The following BAZ2B variants were observed in gnomAD, a reference collection of about 807,000 sequenced individuals.
The protein encoded by BAZ2B is bromodomain adjacent to zinc finger domain 2B, also known as bromodomain adjacent to zinc finger domain protein 2B.
A neutral mutation model predicts 246.0 loss-of-function variants in BAZ2B; 91 were observed. That is an observed-to-expected ratio of 0.37 (90% CI 0.31 to 0.44). The LOEUF is 0.44. Ranked by LOEUF, BAZ2B falls within the 20% of genes least tolerant of loss-of-function variation. The probability of loss-of-function intolerance (pLI) is 1.00; values close to 1 mark genes in which losing one functional copy is unlikely to be tolerated. For missense variants in BAZ2B, 2,332 were observed against 2,533.7 expected, an observed-to-expected ratio of 0.92 and a Z score of 1.71; for synonymous variants, 855 against 860.0, an observed-to-expected ratio of 0.99 and a Z score of 0.10.
At chr2:159,348,133 A>G (rs1204278245) in intron 30 of BAZ2B, among the ~76,000 whole-genome samples, 1 of 151,854 alleles carries the variant, frequency 6.6e-6, no homozygotes, top group Non-Finnish European at 1.5e-5. Context: ...AGCCTGGGCA[A>G]CATAGTGAGG....
intron 2 of BAZ2B, among the ~76,000 whole-genome samples, chr2:159,542,193 A>C (rs6753208): frequency 0.83 from 126,671 of 152,022 alleles, 53,178 homozygotes; most frequent in Admixed American, 0.88. Context: ...CTGTAAGACA[A>C]CATTAAGTGG....
At chr2:159,329,155 A>C (rs1412154142) in intron 34 of BAZ2B, among the ~76,000 whole-genome samples, 1 of 150,864 alleles carries the variant, frequency 6.6e-6, no homozygotes, top group African/African-American at 2.4e-5. Context: ...AAAAAAAAAG[A>C]AAATATAAAG....
chr2:159,660,307 A>C, the BAZ2B span, among the ~76,000 whole-genome samples: 13 of 152,194 alleles, frequency 8.5e-5, no homozygotes, highest in Non-Finnish European at 1.9e-4. Flanking sequence ...ATTCCTTCTT[A>C]CAGATAAATA....
intron 2 of BAZ2B, among the ~76,000 whole-genome samples, chr2:159,491,745 A>AAAAAAAAAAAAAAAAAC (rs2080524159): frequency 7.0e-6 from 1 of 143,614 alleles, no homozygotes. Flanking sequence ...AAAAAAAAAA[A>AAAAAAAAAAAAAAAAAC]AGTCTTCTGT....
chr2:159,579,105 A>T (rs921866379), intron 1 of BAZ2B, among the ~76,000 whole-genome samples: 5 of 152,206 alleles, frequency 3.3e-5, no homozygotes, highest in Non-Finnish European at 5.9e-5. Flanking sequence ...AGACACAAAA[A>T]AACCCTTCAA....
At chr2:159,517,079 C>T (rs957579683) in intron 2 of BAZ2B, among the ~76,000 whole-genome samples, 1 of 151,906 alleles carries the variant, frequency 6.6e-6, no homozygotes, top group Non-Finnish European at 1.5e-5. Flanking sequence ...CAAAGCATGT[C>T]TATTTTTTTA....
intron 3 of BAZ2B, among the ~76,000 whole-genome samples, chr2:159,475,570 T>G (rs1295639468): frequency 3.9e-5 from 6 of 152,210 alleles, no homozygotes; most frequent in Non-Finnish European, 1.5e-5. Context: ...GTCAAACTCA[T>G]TCTTCATCCA....
chr2:159,631,037 A>T, the BAZ2B span, among the ~76,000 whole-genome samples: 1 of 152,094 alleles, frequency 6.6e-6, no homozygotes, highest in African/African-American at 2.4e-5. Flanking sequence ...TTACAAAAAA[A>T]TTTTAAAATT....
chr2:159,445,273 A>G (rs1577107619), intron 6 of BAZ2B, among the ~76,000 whole-genome samples: 1 of 152,228 alleles, frequency 6.6e-6, no homozygotes, highest in Non-Finnish European at 1.5e-5. Context: ...AAAATTTAAC[A>G]TAAAGAATTA....
At chr2:159,328,776 G>T (rs10196112) in intron 34 of BAZ2B, among the ~76,000 whole-genome samples, 144,775 of 152,250 alleles carry the variant, frequency 0.95, 69,288 homozygotes, top group East Asian at 1. Context: ...ATTCATATAA[G>T]TGGCCCTCCA....
chr2:159,477,613 T>C lies in BAZ2B; in HGVS notation c.145+962A>G, dbSNP rs187150797. 3.3e-5 allele frequency among the ~76,000 whole-genome samples: 5 copies of C among 152,244 alleles called. No individual in the cohort carries two copies. In the East Asian group the frequency reaches 9.6e-4, roughly 29 times the overall value. On this transcript the variant is annotated intron_variant, in intron 3 of 36. Transcript: ENST00000392783. ...AATTCTGAATAAGAAAAATATCATT[T>C]AGTTTACTGCTTATAAACATGAAAT...
rs138288921 is a variant in BAZ2B at position 159,485,398 on chromosome 2, T to C, written c.-2-6677A>G. ...TCTATTCATAAAATTTTTATTTACC[T>C]AAATTTTCTGAAACAGAATTTCAAA... On this transcript the variant is annotated intron_variant, in intron 2 of 36. Transcript: ENST00000392783. Among the ~76,000 whole-genome samples, 961 of 152,282 alleles carry C rather than the reference T, an allele frequency of 6.3e-3. 7 individuals are homozygous for C. Among genetic ancestry groups the C allele is most frequent in the African/African-American group, 0.022 (915 of 41,576 alleles).
At chr2:159,538,899 C>T (rs931527186) in intron 2 of BAZ2B, among the ~76,000 whole-genome samples, 3 of 152,224 alleles carry the variant, frequency 2.0e-5, no homozygotes, top group African/African-American at 7.2e-5. Context: ...CTTTTTCACT[C>T]TCTACTTCCA....
intron 2 of BAZ2B, among the ~76,000 whole-genome samples, chr2:159,519,522 G>A (rs575979714): frequency 2.8e-4 from 42 of 151,596 alleles, no homozygotes; most frequent in Admixed American, 2.0e-3. Context: ...GAGCCACCGC[G>A]CCCGGCCTCA....
At chr2:159,522,764 C>T (rs567945115) in intron 2 of BAZ2B, among the ~76,000 whole-genome samples, 1 of 151,806 alleles carries the variant, frequency 6.6e-6, no homozygotes, top group South Asian at 2.1e-4. Context: ...TTTAAAAATC[C>T]AAAAATTTCT....
At chr2:159,500,463 C>T (rs1309238272) in intron 2 of BAZ2B, among the ~76,000 whole-genome samples, 3 of 152,154 alleles carry the variant, frequency 2.0e-5, no homozygotes, top group Non-Finnish European at 4.4e-5. Context: ...CCGTGATGTT[C>T]TCTTTGAAGT....
rs901808902 is a variant in BAZ2B, at chr2:159,400,601, C to G, written c.2896G>C (p.Glu966Gln). 2 of 1,550,760 alleles carry G rather than the reference C, an allele frequency of 1.3e-6. No homozygotes were observed. Among genetic ancestry groups the G allele is most frequent in the Non-Finnish European group, 8.8e-7 (1 of 1,131,166 alleles). The change falls in exon 17 of 37, where the codon GAG (glutamate) becomes CAG (glutamine). Residue 966 changes from glutamate (E) to glutamine (Q), a missense_variant and splice_region_variant. Around this residue, in one of 9 missense-constraint regions of BAZ2B, gnomAD observed 328 missense variants for 410.4 expected, o/e 0.80. Transcript: ENST00000392783. ...EKELRAQQIL[E>Q]AKKKKKEEAA... is the part of the protein sequence containing the mutation. ...TATATTAAATTTAAGACTTCTACCT[C>G]TAGAATTTGCTGAGCTCGAAGTTCT...
At chr2:159,500,659 A>G (rs918210562) in intron 2 of BAZ2B, among the ~76,000 whole-genome samples, 1 of 152,172 alleles carries the variant, frequency 6.6e-6, no homozygotes, top group Non-Finnish European at 1.5e-5. Flanking sequence ...TTAAAATATG[A>G]AAACAGCTGG....
chr2:159,508,400 G>A (rs768790988), intron 2 of BAZ2B, among the ~76,000 whole-genome samples: 2 of 151,956 alleles, frequency 1.3e-5, no homozygotes, highest in Non-Finnish European at 2.9e-5. Context: ...ATTTGTATTC[G>A]GTAAGTTATT....
Sources: allele counts gnomAD v4.1 joint callset (sites outside exome capture counted in the v4.1 genomes callset), GRCh38; gene constraint gnomAD v4.1.1; regional missense constraint gnomAD v4.1.1; transcripts MANE v1.5; gene names NCBI Gene and HGNC (gene_info 2026-07-23, HGNC 2026-07-21).